Variants in TEX9 observed in about 807,000 individuals in gnomAD.
TEX9 encodes the protein testis-expressed protein 9.
In TEX9, 74 loss-of-function variants were observed where a neutral mutation model predicts 59.6. The ratio of observed to expected loss-of-function variants is 1.24; its 90% CI spans 1.03 to 1.51. The LOEUF (loss-of-function observed/expected upper bound fraction) is 1.51, where lower values mean the gene tolerates loss of function less well. Among genes scored for constraint, TEX9 ranks in the 40% most tolerant of loss-of-function variants. TEX9 has a pLI of 0.00. For missense variants in TEX9, 522 were observed against 447.8 expected, an observed-to-expected ratio of 1.17 and a Z score of -1.49; for synonymous variants, 186 against 152.2, an observed-to-expected ratio of 1.22 and a Z score of -1.64.
In TEX9 at chr15:56,434,377, A is replaced by G. The variant is rs200455625; in HGVS notation, c.*29+5904A>G. The G allele has an allele frequency of 1.6e-4, 261 of 1,611,682 alleles. 3 individuals are homozygous for G. In the South Asian group the frequency reaches 2.6e-3, roughly 16 times the overall value. On this transcript the variant is annotated intron_variant, in intron 12 of 12. Coordinates refer to ENST00000352903, the Ensembl canonical transcript of TEX9. Reference sequence around the variant, plus strand: ...TGCTTCATCTCTTTTTGCTTTCTCAATTTCTTTTCTGCTTCTTCCTAAACA... The same window carrying G: ...TGCTTCATCTCTTTTTGCTTTCTCAGTTTCTTTTCTGCTTCTTCCTAAACA...
intron 1 of TEX9, among the ~76,000 whole-genome samples, chr15:56,273,230 G>C (rs1175063697): frequency 4.6e-5 from 7 of 152,080 alleles, no homozygotes; most frequent in African/African-American, 1.7e-4. Flanking sequence ...TGGGATTGCA[G>C]TACCACACCC....
chr15:56,432,850 G>C (rs894226223), intron 12 of TEX9, among the ~76,000 whole-genome samples: 1 of 152,072 alleles, frequency 6.6e-6, no homozygotes, highest in Non-Finnish European at 1.5e-5. Flanking sequence ...CTCCTACTTT[G>C]TATAGTTTTA....
intron 1 of TEX9, among the ~76,000 whole-genome samples, chr15:56,280,751 T>C (rs1197012177): frequency 1.3e-5 from 2 of 152,250 alleles, no homozygotes; most frequent in Non-Finnish European, 2.9e-5. Flanking sequence ...GATTCCCACA[T>C]CTGTCAGTCC....
At chr15:56,276,821 G>T (rs1015717474) in intron 1 of TEX9, among the ~76,000 whole-genome samples, 2 of 152,122 alleles carry the variant, frequency 1.3e-5, no homozygotes. Context: ...CTATTTCTCC[G>T]CATCCTTGCC....
In TEX9 at chr15:56,349,950, C is replaced by T. The variant is rs148425781; in HGVS notation, c.-106-23491C>T. 3.3e-3 allele frequency among the ~76,000 whole-genome samples: 495 copies of T among 152,160 alleles called. 3 individuals are homozygous for T. Among genetic ancestry groups the T allele is most frequent in the African/African-American group, 9.6e-3 (399 of 41,532 alleles). On this transcript the variant is annotated intron_variant, in intron 1 of 5. Transcript: ENST00000560827. ...GAACATCTGTTCATTTGTCAAGAAT[C>T]GGTTAAGACTTTACCTTCTCAGAGA...
chr15:56,308,459 C>A (rs967209956), intron 1 of TEX9, among the ~76,000 whole-genome samples: 1 of 152,056 alleles, frequency 6.6e-6, no homozygotes, highest in Non-Finnish European at 1.5e-5. Flanking sequence ...GGATATTAGA[C>A]CTTTATCAGA....
chr15:56,347,042 A>G (rs773819272), intron 1 of TEX9, among the ~76,000 whole-genome samples: 13 of 152,220 alleles, frequency 8.5e-5, no homozygotes, highest in South Asian at 4.1e-4. Context: ...TAGGACTTGT[A>G]TGGTGAAATC....
At chr15:56,374,851 C>T (rs2047357317) in intron 3 of TEX9, among the ~76,000 whole-genome samples, 1 of 152,170 alleles carries the variant, frequency 6.6e-6, no homozygotes, top group Non-Finnish European at 1.5e-5. Flanking sequence ...CTTCCAGTTA[C>T]ATCCATGTTG....
chr15:56,438,454 A>AAGG (rs1301041002), intron 12 of TEX9, among the ~76,000 whole-genome samples: 11 of 152,176 alleles, frequency 7.2e-5, no homozygotes, highest in African/African-American at 1.9e-4. Context: ...TAGAAAGCTG[A>AAGG]AACTGGATCC....
chr15:56,439,483 T>C (rs2050783058), intron 12 of TEX9, among the ~76,000 whole-genome samples: 1 of 152,034 alleles, frequency 6.6e-6, no homozygotes, highest in African/African-American at 2.4e-5. Flanking sequence ...ATAGCTGCAG[T>C]ATTCAAAACT....
At chr15:56,405,559 A>T (rs1248741235) in intron 9 of TEX9, among the ~76,000 whole-genome samples, 2 of 152,222 alleles carry the variant, frequency 1.3e-5, no homozygotes, top group African/African-American at 2.4e-5. Context: ...CTAAGCAGTT[A>T]TGATACACTG....
chr15:56,418,556 C>A (rs2049814951), intron 10 of TEX9, among the ~76,000 whole-genome samples: 1 of 150,812 alleles, frequency 6.6e-6, no homozygotes, highest in South Asian at 2.1e-4. Context: ...GAGGCTGAGG[C>A]AGGAGAATGG....
At chr15:56,435,903 A>G (rs183950675) in intron 12 of TEX9, among the ~76,000 whole-genome samples, 2 of 152,158 alleles carry the variant, frequency 1.3e-5, no homozygotes, top group East Asian at 3.9e-4. Context: ...CCTTAACCCA[A>G]TATTAGAAAA....
chr15:56,340,621 T>C (rs1405281455), intron 1 of TEX9, among the ~76,000 whole-genome samples: 5 of 152,164 alleles, frequency 3.3e-5, no homozygotes, highest in African/African-American at 1.2e-4. Flanking sequence ...GACTCTCTTA[T>C]TCCACTCTAT....
intron 1 of TEX9, among the ~76,000 whole-genome samples, chr15:56,355,538 T>A (rs2046668069): frequency 6.6e-6 from 1 of 152,180 alleles, no homozygotes; most frequent in African/African-American, 2.4e-5. Context: ...AATCAGTTAT[T>A]GTTAATTCTT....
At chr15:56,404,430 T>C (rs977632673) in intron 9 of TEX9, among the ~76,000 whole-genome samples, 6 of 152,206 alleles carry the variant, frequency 3.9e-5, no homozygotes, top group Non-Finnish European at 7.4e-5. Context: ...AAAACCGCAA[T>C]GAGATACCAT....
At chr15:56,367,266 A>G (rs1456483507) in intron 2 of TEX9, among the ~76,000 whole-genome samples, 1 of 151,462 alleles carries the variant, frequency 6.6e-6, no homozygotes, top group African/African-American at 2.4e-5. Context: ...GAACAGAGTA[A>G]CTCCCTACAC....
chr15:56,345,038 GATATAT>G (rs58688246), intron 1 of TEX9, among the ~76,000 whole-genome samples: 3 of 141,504 alleles, frequency 2.1e-5, no homozygotes, highest in Admixed American at 7.1e-5. Flanking sequence ...TATCTATCTG[GATATAT>G]ATATATATAT....
At chr15:56,454,949 C>T in the TEX9 span, among the ~76,000 whole-genome samples, 5 of 152,062 alleles carry the variant, frequency 3.3e-5, no homozygotes, top group Admixed American at 1.3e-4. Flanking sequence ...AAGTGTACAG[C>T]TTGTAGAACG....
Sources: allele counts gnomAD v4.1 joint callset (sites outside exome capture counted in the v4.1 genomes callset), GRCh38; gene constraint gnomAD v4.1.1; transcripts MANE v1.5; gene names NCBI Gene and HGNC (gene_info 2026-07-23, HGNC 2026-07-21).